ZNF385D: variants seen among roughly 807,000 people sequenced by gnomAD.
ZNF385D encodes zinc finger protein 385D, also known as zinc finger protein 659.
Under a neutral mutation model 35.8 loss-of-function variants are expected in ZNF385D, and 15 were observed. That is an observed-to-expected ratio of 0.42 (90% CI 0.28 to 0.64). ZNF385D has a LOEUF of 0.64. Among genes scored for constraint, ZNF385D ranks in the 30% least tolerant of loss-of-function variants. The pLI is 0.23. For missense variants in ZNF385D, 474 were observed against 494.6 expected (o/e 0.96, Z 0.39); for synonymous variants, 212 against 186.8 (o/e 1.13, Z -1.10).
At chr3:21,878,349 G>C (rs2125858902) in intron 3 of ZNF385D, among the ~76,000 whole-genome samples, 1 of 152,102 alleles carries the variant, frequency 6.6e-6, no homozygotes, top group South Asian at 2.1e-4. Flanking sequence ...TACAACTCAA[G>C]TGCCATGTGA....
intron 2 of ZNF385D, among the ~76,000 whole-genome samples, chr3:22,228,814 G>C (rs1055815212): frequency 6.6e-6 from 1 of 152,170 alleles, no homozygotes; most frequent in African/African-American, 2.4e-5. Flanking sequence ...GGACTAGACT[G>C]GCTGAGTCTT....
chr3:22,108,828 C>T (rs1022186647), intron 3 of ZNF385D, among the ~76,000 whole-genome samples: 1 of 152,104 alleles, frequency 6.6e-6, no homozygotes. Flanking sequence ...GCCTGGCCAA[C>T]ATGGTGAAAC....
At chr3:21,649,696 C>A (rs1045161688) in intron 2 of ZNF385D, among the ~76,000 whole-genome samples, 2 of 152,044 alleles carry the variant, frequency 1.3e-5, no homozygotes, top group Admixed American at 6.6e-5. Flanking sequence ...ATTATTTTAT[C>A]ATAAATGCAA....
chr3:21,656,696 A>G (rs1419101756), intron 2 of ZNF385D, among the ~76,000 whole-genome samples: 1 of 151,926 alleles, frequency 6.6e-6, no homozygotes, highest in Non-Finnish European at 1.5e-5. Flanking sequence ...CTCCATGAGA[A>G]GTAGATGTCA....
At chr3:21,802,746 T>A (rs2072463905) in intron 3 of ZNF385D, among the ~76,000 whole-genome samples, 1 of 152,178 alleles carries the variant, frequency 6.6e-6, no homozygotes, top group African/African-American at 2.4e-5. Flanking sequence ...GCCTTTGTCT[T>A]TGACTCTTAA....
At chr3:21,928,880 G>A (rs975137349) in intron 3 of ZNF385D, among the ~76,000 whole-genome samples, 1 of 152,034 alleles carries the variant, frequency 6.6e-6, no homozygotes, top group South Asian at 2.1e-4. Context: ...GAGTTTTACC[G>A]TGAATTCTGT....
At chr3:21,657,000 T>G (rs1416535640) in intron 2 of ZNF385D, among the ~76,000 whole-genome samples, 5 of 151,832 alleles carry the variant, frequency 3.3e-5, no homozygotes, top group South Asian at 2.1e-4. Flanking sequence ...AATATATTAC[T>G]TGCAAAGCCT....
rs141372346 is a variant in ZNF385D at position 22,031,432 on chromosome 3, G to C, written c.325+137385C>G. 2.5e-3 allele frequency among the ~76,000 whole-genome samples: 379 copies of C among 152,252 alleles called. 1 individual carries two copies. Among genetic ancestry groups the C allele is most frequent in the African/African-American group, 8.6e-3 (357 of 41,536 alleles). On this transcript the variant is annotated intron_variant, in intron 3 of 5. Transcript: ENST00000494108. ...CTCAGCTCTTGTATTCTGCACACCC[G>C]TAGACCCAACACCATGTGGAAGCCT...
At chr3:21,818,229 A>G (rs2073239805) in intron 3 of ZNF385D, among the ~76,000 whole-genome samples, 2 of 152,210 alleles carry the variant, frequency 1.3e-5, no homozygotes, top group Admixed American at 1.3e-4. Context: ...TACCTAATGT[A>G]AATGACGAAT....
chr3:21,956,697 G>A (rs1335881388), intron 3 of ZNF385D, among the ~76,000 whole-genome samples: 3 of 151,776 alleles, frequency 2.0e-5, no homozygotes, highest in Admixed American at 6.6e-5. Context: ...CGTCATTGGA[G>A]TAAGTGTTAT....
At chr3:22,191,497 A>G (rs1337797814) in intron 2 of ZNF385D, among the ~76,000 whole-genome samples, 1 of 152,070 alleles carries the variant, frequency 6.6e-6, no homozygotes, top group Non-Finnish European at 1.5e-5. Flanking sequence ...AAGAAAAAAA[A>G]AAAAAAAAGG....
In ZNF385D at chr3:21,414,566, C is replaced by A. The variant is rs1477681474; in HGVS notation, c.*6648G>T. 6.6e-6 allele frequency: 1 copy of A among 152,094 alleles called. No homozygotes were observed. The highest frequency in any genetic ancestry group is 2.4e-5 in the African/African-American group (1 of 41,412). The allele number at this position is 152,094 out of a possible 1,614,324, so 9.4% of individuals were successfully genotyped here. A position where few individuals can be genotyped will look rare whatever the true frequency, so the allele number is the denominator to read the frequency against. ...TGGAGCTATTTTGAGTAGCAAATGA[C>A]TTGCTTTTACTAAATTCAGCTTTTT... On this transcript the variant is annotated 3_prime_UTR_variant, in exon 8 of 8. Coordinates refer to ENST00000281523, the MANE Select transcript of ZNF385D (RefSeq NM_024697.3).
chr3:22,163,207 T>C (rs1010470453), intron 3 of ZNF385D, among the ~76,000 whole-genome samples: 4 of 152,166 alleles, frequency 2.6e-5, no homozygotes, highest in African/African-American at 9.7e-5. Flanking sequence ...GCAGGCAAAA[T>C]TCCTGACTGA....
chr3:22,208,369 T>C (rs1310767771), intron 2 of ZNF385D, among the ~76,000 whole-genome samples: 2 of 151,904 alleles, frequency 1.3e-5, no homozygotes, highest in East Asian at 3.9e-4. Flanking sequence ...TCTCATTTAT[T>C]TGTGGGAGCT....
At chr3:21,894,193 A>G (rs1280379453) in intron 3 of ZNF385D, among the ~76,000 whole-genome samples, 3 of 152,206 alleles carry the variant, frequency 2.0e-5, no homozygotes, top group Non-Finnish European at 4.4e-5. Flanking sequence ...CAACATAACA[A>G]GAAAAACAAC....
intron 3 of ZNF385D, among the ~76,000 whole-genome samples, chr3:21,922,757 A>G (rs1484694287): frequency 2.6e-5 from 4 of 152,194 alleles, no homozygotes; most frequent in Non-Finnish European, 5.9e-5. Context: ...GTCTTCAAAA[A>G]CAATTACAGG....
intron 2 of ZNF385D, among the ~76,000 whole-genome samples, chr3:22,185,173 A>T (rs1035161532): frequency 4.6e-5 from 7 of 151,356 alleles, no homozygotes; most frequent in Non-Finnish European, 7.4e-5. Context: ...AAGGTTGTAG[A>T]AACTTTAAAA....
chr3:21,785,367 C>T (rs1226283673), intron 3 of ZNF385D, among the ~76,000 whole-genome samples: 2 of 151,930 alleles, frequency 1.3e-5, no homozygotes, highest in African/African-American at 4.8e-5. Context: ...CTACAGTTAC[C>T]ATCATTTTTT....
chr3:21,471,459 CCCTAAAG>C (rs1160686981), intron 4 of ZNF385D, among the ~76,000 whole-genome samples: 1 of 152,054 alleles, frequency 6.6e-6, no homozygotes, highest in Non-Finnish European at 1.5e-5. Context: ...AATACATAAT[CCCTAAAG>C]CACCTCTGAT....
Sources: gnomAD v4.1 joint callset for allele counts (sites outside exome capture counted in the v4.1 genomes callset) on GRCh38, gnomAD v4.1.1 for gene constraint, MANE v1.5 for transcripts, NCBI Gene and HGNC (gene_info 2026-07-23, HGNC 2026-07-21) for gene names.